The following SIK3 variants were observed in gnomAD, a reference collection of about 807,000 sequenced individuals.
SIK3 encodes the protein serine/threonine-protein kinase SIK3.
A neutral mutation model predicts 144.2 loss-of-function variants in SIK3; 28 were observed. The ratio of observed to expected loss-of-function variants is 0.19; its 90% CI spans 0.14 to 0.27. The LOEUF (loss-of-function observed/expected upper bound fraction) is 0.27, where lower values mean the gene tolerates loss of function less well. Ranked by LOEUF, SIK3 falls within the 10% of genes least tolerant of loss-of-function variation. SIK3 has a pLI of 1.00. For missense variants in SIK3, 1,319 were observed against 1,776.0 expected (o/e 0.74, Z 4.62); for synonymous variants, 686 against 676.3 (o/e 1.01, Z -0.22).
chr11:116,848,866 G>A (rs181291129), intron 22 of SIK3, among the ~76,000 whole-genome samples: 1 of 152,330 alleles, frequency 6.6e-6, no homozygotes, highest in East Asian at 1.9e-4. Context: ...AGGAAGCTGA[G>A]GCACAAAAGT....
chr11:116,958,845 C>G (rs1214583346), intron 1 of SIK3, among the ~76,000 whole-genome samples: 1 of 152,190 alleles, frequency 6.6e-6, no homozygotes, highest in African/African-American at 2.4e-5. Flanking sequence ...AACTCCACAA[C>G]TGGTCTAGCA....
At chr11:117,036,709 T>G (rs1952521571) in intron 1 of SIK3, among the ~76,000 whole-genome samples, 1 of 152,158 alleles carries the variant, frequency 6.6e-6, no homozygotes, top group South Asian at 2.1e-4. Context: ...AAAGCCAGTG[T>G]GAAAAATATA....
At chr11:116,884,747 G>T (rs1457143804) in intron 6 of SIK3, among the ~76,000 whole-genome samples, 2 of 152,140 alleles carry the variant, frequency 1.3e-5, no homozygotes, top group Admixed American at 6.5e-5. Flanking sequence ...GAGTTGTTGG[G>T]ATTACAGGTG....
At chr11:116,922,412 GC>G (rs1270480630) in intron 4 of SIK3, among the ~76,000 whole-genome samples, 1 of 152,192 alleles carries the variant, frequency 6.6e-6, no homozygotes, top group East Asian at 1.9e-4. Flanking sequence ...GATCACTTGA[GC>G]CCAGGAGGCT....
At chr11:117,088,148 G>T (rs992923115) in intron 1 of SIK3, among the ~76,000 whole-genome samples, 3 of 152,092 alleles carry the variant, frequency 2.0e-5, no homozygotes, top group African/African-American at 7.2e-5. Context: ...GAAGTAGAAG[G>T]ATGACTTGAA....
rs1297897899 is a variant in SIK3 at position 117,098,237 on chromosome 11, G to A, written c.179C>T (p.Pro60Leu). The change falls in exon 1 of 25, where the codon CCC (proline) becomes CTC (leucine). Residue 60 changes from proline (P) to leucine (L), a missense_variant. Transcript: ENST00000445177. Reference protein sequence around the residue: ...PPAPASRGPMPARIGYYEIDR... With the variant: ...PPAPASRGPMLARIGYYEIDR... The stretch of plus-strand genomic sequence containing the variant: ...GATCTCGTAGTAGCCGATACGGGCG[G>A]GCATGGGTCCGCGGGAGGCCGGGGC... 4.0e-6 allele frequency: 6 copies of A among 1,488,542 alleles called. No homozygotes were observed. In the Admixed American group the frequency reaches 1.0e-4, roughly 25 times the overall value. The allele number at this position is 1,488,542 out of a possible 1,614,324, so 92.2% of individuals were successfully genotyped here.
chr11:117,090,607 T>A (rs1194537836), intron 1 of SIK3, among the ~76,000 whole-genome samples: 1 of 152,208 alleles, frequency 6.6e-6, no homozygotes, highest in Non-Finnish European at 1.5e-5. Flanking sequence ...ATTACCAATA[T>A]TCCCTAGGAG....
intron 3 of SIK3, among the ~76,000 whole-genome samples, chr11:116,952,805 G>A (rs76654964): frequency 0.072 from 11,036 of 152,244 alleles, 491 homozygotes; most frequent in Middle Eastern, 0.11. Flanking sequence ...CAAGGCACAT[G>A]ATTGGCATAT....
intron 6 of SIK3, among the ~76,000 whole-genome samples, chr11:116,880,384 G>A (rs1283046527): frequency 6.6e-6 from 1 of 151,664 alleles, no homozygotes; most frequent in Non-Finnish European, 1.5e-5. Context: ...GTCCTATGAA[G>A]CCTGCATAGA....
chr11:116,991,610 A>G (rs534560854), intron 1 of SIK3, among the ~76,000 whole-genome samples: 1 of 152,350 alleles, frequency 6.6e-6, no homozygotes, highest in East Asian at 1.9e-4. Flanking sequence ...TATTAGAGAT[A>G]CTCTCAAAAT....
rs577921486 is a variant in SIK3, at chr11:116,927,290, C to T, written c.545G>A (p.Arg182Gln). ...IVTAVYFCHC[R>Q]NIVHRDLKAE... ...TTTTAAATCACGATGAACAATGTTCCGACAGTGACAAAAATAGACAGCTGT... is the reference window on the plus strand; with the variant it reads ...TTTTAAATCACGATGAACAATGTTCTGACAGTGACAAAAATAGACAGCTGT... Residue 182 changes from arginine (R) to glutamine (Q), a missense_variant, in exon 4 of 25, where the codon CGG (arginine) becomes CAG (glutamine). Transcript: ENST00000445177. 9 of 1,613,860 alleles carry T rather than the reference C, an allele frequency of 5.6e-6. No individual in the cohort carries two copies. The highest frequency in any genetic ancestry group is 2.7e-5 in the African/African-American group (2 of 75,008).
chr11:116,935,725 A>G (rs1022478903), intron 3 of SIK3, among the ~76,000 whole-genome samples: 2 of 152,204 alleles, frequency 1.3e-5, no homozygotes, highest in Non-Finnish European at 2.9e-5. Flanking sequence ...GCATGCTCCA[A>G]GTCAACAGAG....
chr11:116,994,407 G>A (rs1368093361), intron 1 of SIK3, among the ~76,000 whole-genome samples: 1 of 152,188 alleles, frequency 6.6e-6, no homozygotes, highest in East Asian at 1.9e-4. Context: ...GGTTCCTGGA[G>A]CCACACTGAC....
chr11:116,981,493 A>G (rs1026277220), intron 1 of SIK3, among the ~76,000 whole-genome samples: 1 of 152,250 alleles, frequency 6.6e-6, no homozygotes. Context: ...TTTTGGTCAA[A>G]GCAGTCACAA....
chr11:116,989,860 C>T (rs1211970742), intron 1 of SIK3, among the ~76,000 whole-genome samples: 1 of 152,030 alleles, frequency 6.6e-6, no homozygotes, highest in Non-Finnish European at 1.5e-5. Flanking sequence ...GAAAAGGTAA[C>T]TAAAAACACA....
intron 3 of SIK3, among the ~76,000 whole-genome samples, chr11:116,944,850 T>C (rs963804944): frequency 2.0e-5 from 3 of 152,260 alleles, no homozygotes; most frequent in African/African-American, 4.8e-5. Context: ...TAGTCTGTAG[T>C]TGGCTAACTC....
chr11:117,036,004 C>A, intron 1 of SIK3: 1 of 1,533,204 alleles, frequency 6.5e-7, no homozygotes, highest in Non-Finnish European at 8.9e-7. Context: ...TGTGTTTCCT[C>A]TTCTCCTTTT....
intron 6 of SIK3, among the ~76,000 whole-genome samples, chr11:116,881,072 C>T (rs1023695706): frequency 6.6e-6 from 1 of 151,834 alleles, no homozygotes; most frequent in African/African-American, 2.4e-5. Flanking sequence ...TGCAGTGAGC[C>T]GAGATCGCAC....
rs1441621888 is a variant in SIK3, at chr11:116,845,311, C to G, written c.*332G>C. 1 of 152,082 alleles carries G rather than the reference C, an allele frequency of 6.6e-6. No individual in the cohort carries two copies. Among genetic ancestry groups the G allele is most frequent in the African/African-American group, 2.4e-5 (1 of 41,386 alleles). The allele number at this position is 152,082 out of a possible 1,614,324, so 9.4% of individuals were successfully genotyped here. ...GGAAGAAAAAAAAGAAAGTATATCA[C>G]CTCTGGAAGAAAACATACCAAAAAC... On this transcript the variant is annotated 3_prime_UTR_variant, in exon 25 of 25. Transcript: ENST00000445177.
Sources: gnomAD v4.1 joint callset for allele counts (sites outside exome capture counted in the v4.1 genomes callset) on GRCh38, gnomAD v4.1.1 for gene constraint, MANE v1.5 for transcripts, NCBI Gene and HGNC (gene_info 2026-07-23, HGNC 2026-07-21) for gene names.